Variants in GNAS-AS1 observed in about 807,000 individuals in gnomAD.
GNAS-AS1 encodes GNAS antisense RNA 1 (non-protein coding).
At chr20:58,828,163 A>G (rs770811592) in intron 4 of GNAS-AS1, among the ~76,000 whole-genome samples, 1 of 152,220 alleles carries the variant, frequency 6.6e-6, no homozygotes, top group Non-Finnish European at 1.5e-5. Flanking sequence ...GCCTTGGCCA[A>G]ACCCTTCCCG....
In GNAS-AS1 at chr20:58,840,014, T is replaced by TGA; in HGVS notation, n.819+1922_819+1923insTC. On this transcript the variant is annotated intron_variant and non_coding_transcript_variant, in intron 4 of 4. Coordinates refer to ENST00000424094, the Ensembl canonical transcript of GNAS-AS1. This position sits in a 1 kb window ranked among gnomAD's most constrained non-coding sequence, Gnocchi z 6.0. ...CGGGCCAGCTTCTCACCTCATAGGG[T>TGA]GTACCTTTCCCGGCTCCAGCAGCCA... is the stretch of plus-strand genomic sequence containing the variant. 1.4e-6 allele frequency: 2 copies of TGA among 1,429,108 alleles called. No homozygotes were observed. Among genetic ancestry groups the TGA allele is most frequent in the Non-Finnish European group, 1.9e-6 (2 of 1,026,948 alleles). The allele number at this position is 1,429,108 out of a possible 1,614,324, so 88.5% of individuals were successfully genotyped here. A position where few individuals can be genotyped will look rare whatever the true frequency, so the allele number is the denominator to read the frequency against.
Position 58,840,591 on chromosome 20 carries a change from G to T in GNAS-AS1, n.819+1346C>A. 1 of 1,611,020 alleles carries T rather than the reference G, an allele frequency of 6.2e-7. No individual in the cohort carries two copies. The highest frequency in any genetic ancestry group is 8.5e-7 in the Non-Finnish European group (1 of 1,178,902). ...ACCTTCGGCCAGTCCCTCACCCAGC[G>T]TCTGCACGCTCTCAAGTTGCGAAGC... On this transcript the variant is annotated intron_variant and non_coding_transcript_variant, in intron 4 of 4. Coordinates refer to ENST00000424094, the Ensembl canonical transcript of GNAS-AS1. The surrounding 1 kb of genome is among the most constrained non-coding windows in gnomAD (Gnocchi z 6.0).
chr20:58,821,339 AC>A (rs1312689488), intron 4 of GNAS-AS1, among the ~76,000 whole-genome samples: 2 of 151,822 alleles, frequency 1.3e-5, no homozygotes, highest in African/African-American at 4.8e-5. Context: ...CAGAGCCATC[AC>A]CTCGGACTCC....
intron 2 of GNAS-AS1, among the ~76,000 whole-genome samples, chr20:58,848,210 T>C (rs1197071435): frequency 2.6e-5 from 4 of 152,214 alleles, no homozygotes; most frequent in Non-Finnish European, 5.9e-5. Context: ...TAGCCAAGTA[T>C]ACACAATTTT....
chr20:58,819,198 G>C (rs2085468931), exon 5 of GNAS-AS1: 1 of 398,676 alleles, frequency 2.5e-6, no homozygotes, highest in East Asian at 3.6e-5. Flanking sequence ...ATGAGGCGGA[G>C]CTCTGGAGAG....
intron 4 of GNAS-AS1, among the ~76,000 whole-genome samples, chr20:58,823,199 T>C (rs1350269633): frequency 6.6e-6 from 1 of 152,190 alleles, no homozygotes; most frequent in East Asian, 1.9e-4. Flanking sequence ...TTTAAAAATA[T>C]CTGTCCAGCC....
intron 4 of GNAS-AS1, chr20:58,824,004 A>T: frequency 2.5e-6 from 1 of 398,688 alleles, no homozygotes; most frequent in Non-Finnish European, 4.4e-6. Context: ...CCCCACAGGG[A>T]GATACAGAGA....
Position 58,841,638 on chromosome 20 carries a change from C to T in GNAS-AS1, n.819+299G>A. The T allele has an allele frequency of 4.6e-6, 5 of 1,092,670 alleles. No homozygotes were observed. Among genetic ancestry groups the T allele is most frequent in the Non-Finnish European group, 5.6e-6 (5 of 899,408 alleles). The allele number at this position is 1,092,670 out of a possible 1,614,324, so 67.7% of individuals were successfully genotyped here. On this transcript the variant is annotated intron_variant and non_coding_transcript_variant, in intron 4 of 4. Transcript: ENST00000424094. The surrounding 1 kb of genome is among the most constrained non-coding windows in gnomAD (Gnocchi z 5.0). ...CCCGCGCGCGCCGGAGCTGACCTCT[C>T]CCGGCGGCGGGCGGTTAGGGGAAAG...
At chr20:58,838,916 C>CAAAAAAAAA (rs766172876) in intron 4 of GNAS-AS1, 3 of 253,172 alleles carry the variant, frequency 1.2e-5, no homozygotes, top group Admixed American at 9.5e-5. Context: ...GATTCTGTCT[C>CAAAAAAAAA]AAAAAAAAAA....
At chr20:58,838,777 C>T (rs960621234) in intron 4 of GNAS-AS1, 3 of 381,612 alleles carry the variant, frequency 7.9e-6, no homozygotes, top group African/African-American at 2.1e-5. Flanking sequence ...ATTAGCCGAG[C>T]GTAGTGGTGC....
intron 4 of GNAS-AS1, among the ~76,000 whole-genome samples, chr20:58,830,527 CCATCAT>C: frequency 2.1e-4 from 1 of 4,712 alleles, no homozygotes. Flanking sequence ...CACCACACCA[CCATCAT>C]ACCATCAGCA....
chr20:58,848,319 G>A (rs1454068959), intron 2 of GNAS-AS1, among the ~76,000 whole-genome samples: 1 of 152,156 alleles, frequency 6.6e-6, no homozygotes, highest in Non-Finnish European at 1.5e-5. Context: ...AGCCCCTCAT[G>A]ACAGGGGTCA....
intron 2 of GNAS-AS1, among the ~76,000 whole-genome samples, chr20:58,848,365 G>A (rs564870281): frequency 3.3e-4 from 50 of 152,152 alleles, no homozygotes; most frequent in African/African-American, 1.2e-3. Flanking sequence ...ATCCCAACTC[G>A]GCCTTTTTTT....
chr20:58,833,582 G>T (rs887443736), intron 4 of GNAS-AS1, among the ~76,000 whole-genome samples: 4 of 152,102 alleles, frequency 2.6e-5, no homozygotes, highest in Non-Finnish European at 5.9e-5. Context: ...AAGGAAAGAA[G>T]AAGTGGAAAG....
At chr20:58,829,466 A>C (rs1438056464) in intron 4 of GNAS-AS1, among the ~76,000 whole-genome samples, 1 of 152,214 alleles carries the variant, frequency 6.6e-6, no homozygotes, top group East Asian at 1.9e-4. Flanking sequence ...CAACAGAAAG[A>C]CTGCAGTTTA....
rs1340617490 is a variant in GNAS-AS1 at position 58,841,441 on chromosome 20, G to A, written n.819+496C>T. On this transcript the variant is annotated intron_variant and non_coding_transcript_variant, in intron 4 of 4. Transcript: ENST00000424094. The surrounding 1 kb of genome is among the most constrained non-coding windows in gnomAD (Gnocchi z 5.0). ...ACTGACCACCCGGGAGGGAAGTCAC[G>A]CGCGCGCGGCGCCTAAGCAGCTCAG... 3 of 990,950 alleles carry A rather than the reference G, an allele frequency of 3.0e-6. No homozygotes were observed. The highest frequency in any genetic ancestry group is 1.2e-4 in the Admixed American group (2 of 17,134). 61.4% of individuals were successfully genotyped at this position (990,950 alleles called of 1,614,324 possible).
At chr20:58,848,306 C>T (rs1451785711) in intron 2 of GNAS-AS1, among the ~76,000 whole-genome samples, 2 of 152,246 alleles carry the variant, frequency 1.3e-5, no homozygotes, top group Non-Finnish European at 2.9e-5. Flanking sequence ...CACTCCAGCA[C>T]ACAGCCCCTC....
At chr20:58,846,118 A>G (rs1174616338) in intron 2 of GNAS-AS1, among the ~76,000 whole-genome samples, 1 of 152,206 alleles carries the variant, frequency 6.6e-6, no homozygotes, top group African/African-American at 2.4e-5. Context: ...ACAGAAAAAA[A>G]GGAAGATGTG....
intron 1 of GNAS-AS1, among the ~76,000 whole-genome samples, chr20:58,849,266 G>A (rs2086057374): frequency 6.6e-6 from 1 of 152,158 alleles, no homozygotes; most frequent in Non-Finnish European, 1.5e-5. Context: ...AAAACACCAA[G>A]TCTAGATGAG....
Sources: allele counts gnomAD v4.1 joint callset (sites outside exome capture counted in the v4.1 genomes callset), GRCh38; gene constraint gnomAD v4.1.1; non-coding constraint Gnocchi (gnomAD v3.1); transcripts MANE v1.5; gene names NCBI Gene and HGNC (gene_info 2026-07-23, HGNC 2026-07-21).